AP1S3: variants seen among roughly 807,000 people sequenced by gnomAD.
AP1S3 encodes the protein adaptor related protein complex 1 subunit sigma 3, also known as AP-1 complex subunit sigma-3.
A neutral mutation model predicts 20.9 loss-of-function variants in AP1S3; 10 were observed. That is an observed-to-expected ratio of 0.48 (90% CI 0.29 to 0.81). The LOEUF is 0.81. Ranked by LOEUF, AP1S3 falls within the 30% of genes least tolerant of loss-of-function variation. The pLI is 0.08. For missense variants in AP1S3, 154 were observed against 183.8 expected, an observed-to-expected ratio of 0.84 and a Z score of 0.94; for synonymous variants, 41 against 61.5, an observed-to-expected ratio of 0.67 and a Z score of 1.56.
intron 1 of AP1S3, among the ~76,000 whole-genome samples, chr2:223,814,861 C>T (rs1691809726): frequency 6.6e-6 from 1 of 152,216 alleles, no homozygotes; most frequent in Non-Finnish European, 1.5e-5. Context: ...ACTGCAGCCT[C>T]AACCTCCTGG....
At chr2:223,810,067 A>G (rs932833207) in intron 1 of AP1S3, among the ~76,000 whole-genome samples, 3 of 152,004 alleles carry the variant, frequency 2.0e-5, no homozygotes, top group Non-Finnish European at 2.9e-5. Context: ...ACACTCTACA[A>G]TATGAGCTCC....
chr2:223,763,952 C>G (rs922234661), intron 4 of AP1S3, among the ~76,000 whole-genome samples: 2 of 152,170 alleles, frequency 1.3e-5, no homozygotes, highest in Non-Finnish European at 2.9e-5. Flanking sequence ...GATGGAGTCT[C>G]GCTCTGTCAC....
chr2:223,824,201 C>T (rs1692061470), intron 1 of AP1S3, among the ~76,000 whole-genome samples: 1 of 151,250 alleles, frequency 6.6e-6, no homozygotes, highest in South Asian at 2.1e-4. Flanking sequence ...TGGGGTTTTG[C>T]CATATTGCCC....
rs57119521 is a variant in AP1S3 at position 223,762,268 on chromosome 2, A to ATTTTTTTTTT, written c.429+2935_429+2944dup. Among the ~76,000 whole-genome samples the ATTTTTTTTTT allele has an allele frequency of 3.8e-5, 4 of 105,198 alleles. 2 individuals carry two copies. Among genetic ancestry groups the ATTTTTTTTTT allele is most frequent in the African/African-American group, 1.5e-4 (4 of 27,072 alleles). 69.0% of individuals were successfully genotyped at this position (105,198 alleles called of 152,430 possible). On this transcript the variant is annotated intron_variant, in intron 4 of 4. Transcript: ENST00000396654. ...TAGGCATGAGCCATTGTGCCCAGCAATTTTTTTTTTTTTTTTTTTTTTGAG... is the reference window on the plus strand; with the variant it reads ...TAGGCATGAGCCATTGTGCCCAGCAATTTTTTTTTTTTTTTTTTTTTTTTTTTTTTTTGAG...
chr2:223,802,971 T>C (rs545616968), intron 1 of AP1S3, among the ~76,000 whole-genome samples: 104 of 152,338 alleles, frequency 6.8e-4, no homozygotes, highest in African/African-American at 2.2e-3. Context: ...ATTAACTTAA[T>C]TGTGTTAAAA....
At chr2:223,777,647 C>A in intron 2 of AP1S3, 44 bp downstream of exon 2, 1 of 1,565,460 alleles carries the variant, frequency 6.4e-7, no homozygotes, top group South Asian at 1.2e-5. Flanking sequence ...TAGAACAAAC[C>A]AAAGTAAGAC....
At position 223,755,505 on chromosome 2, in the gene AP1S3, A is replaced by T. The variant is rs12151380; in HGVS notation, c.*3210T>A. On this transcript the variant is annotated 3_prime_UTR_variant, in exon 5 of 5. Coordinates refer to ENST00000396654, the MANE Select transcript of AP1S3 (RefSeq NM_001039569.2). Reference sequence around the variant, plus strand: ...TCCCTCAAATTTACCCCACTGTGCCATATAGATATGTTTACTTACTTTCAT... The same window carrying T: ...TCCCTCAAATTTACCCCACTGTGCCTTATAGATATGTTTACTTACTTTCAT... Among the ~76,000 whole-genome samples the T allele has an allele frequency of 6.7e-6, 1 of 150,234 alleles. No homozygotes were observed. Among genetic ancestry groups the T allele is most frequent in the Non-Finnish European group, 1.5e-5 (1 of 67,814 alleles).
At chr2:223,824,633 G>C (rs1017779041) in intron 1 of AP1S3, among the ~76,000 whole-genome samples, 15 of 152,154 alleles carry the variant, frequency 9.9e-5, no homozygotes, top group African/African-American at 2.9e-4. Flanking sequence ...CCCCTCCCAG[G>C]TCCAAGTGAT....
chr2:223,801,000 G>T (rs1691455233), intron 1 of AP1S3, among the ~76,000 whole-genome samples: 1 of 152,110 alleles, frequency 6.6e-6, no homozygotes, highest in East Asian at 1.9e-4. Flanking sequence ...CTTAGCATCT[G>T]ACACTTTTTC....
At chr2:223,770,270 G>A (rs1429972212) in intron 3 of AP1S3, 1 of 1,550,458 alleles carries the variant, frequency 6.4e-7, no homozygotes, top group East Asian at 2.4e-5. Flanking sequence ...GGCAGGCGTA[G>A]ACCAGGAATC....
chr2:223,803,892 A>G (rs1691522339), intron 1 of AP1S3, among the ~76,000 whole-genome samples: 1 of 152,098 alleles, frequency 6.6e-6, no homozygotes, highest in East Asian at 1.9e-4. Flanking sequence ...AAAAAAAAAA[A>G]AAAAATAGAT....
At chr2:223,834,383 G>A (rs1692348656) in intron 1 of AP1S3, among the ~76,000 whole-genome samples, 1 of 151,990 alleles carries the variant, frequency 6.6e-6, no homozygotes, top group Non-Finnish European at 1.5e-5. Context: ...ATGAGTTCAG[G>A]AGTTCAAGAC....
At chr2:223,777,652 T>C in intron 2 of AP1S3, 39 bp downstream of exon 2, 1 of 1,582,500 alleles carries the variant, frequency 6.3e-7, no homozygotes, top group Non-Finnish European at 8.6e-7. Flanking sequence ...CAAACCAAAG[T>C]AAGACTGAGA....
At chr2:223,779,759 G>C (rs1371101554) in intron 1 of AP1S3, among the ~76,000 whole-genome samples, 3 of 152,136 alleles carry the variant, frequency 2.0e-5, no homozygotes, top group African/African-American at 7.2e-5. Context: ...CCTGAGGTCA[G>C]GAGTTCAAGA....
intron 4 of AP1S3, 152 bp downstream of exon 4, chr2:223,765,061 T>A (rs1690444076): frequency 1.8e-6 from 2 of 1,129,506 alleles, no homozygotes; most frequent in African/African-American, 3.2e-5. Flanking sequence ...CGAGTTGTTG[T>A]GAGGATTAAA....
chr2:223,768,590 C>T (rs896579628), intron 3 of AP1S3, among the ~76,000 whole-genome samples: 1 of 152,158 alleles, frequency 6.6e-6, no homozygotes, highest in Non-Finnish European at 1.5e-5. Context: ...CATGGTGGCT[C>T]ACGTCTGTAA....
intron 1 of AP1S3, among the ~76,000 whole-genome samples, chr2:223,830,470 C>A (rs941658265): frequency 8.2e-6 from 1 of 122,276 alleles, no homozygotes; most frequent in Non-Finnish European, 1.7e-5. Flanking sequence ...CAGAGTGAGA[C>A]TCTCTCTCAA....
chr2:223,788,887 C>T (rs1691140633), intron 1 of AP1S3, among the ~76,000 whole-genome samples: 1 of 152,104 alleles, frequency 6.6e-6, no homozygotes, highest in South Asian at 2.1e-4. Context: ...GAACTTCCAT[C>T]TCTAGCTTTG....
chr2:223,830,955 T>A (rs1427915746), intron 1 of AP1S3, among the ~76,000 whole-genome samples: 1 of 152,232 alleles, frequency 6.6e-6, no homozygotes, highest in Non-Finnish European at 1.5e-5. Context: ...TTGAATGATT[T>A]TCAGTATCCC....
Sources: gnomAD v4.1 joint callset for allele counts (sites outside exome capture counted in the v4.1 genomes callset) on GRCh38, gnomAD v4.1.1 for gene constraint, MANE v1.5 for transcripts, NCBI Gene and HGNC (gene_info 2026-07-23, HGNC 2026-07-21) for gene names.